Variants in IRAK2 observed in about 807,000 individuals in gnomAD.
IRAK2 encodes interleukin-1 receptor-associated kinase-like 2.
Under a neutral mutation model 72.0 loss-of-function variants are expected in IRAK2, and 57 were observed. The observed-to-expected ratio is 0.79, with a 90% confidence interval of 0.64 to 0.99. The LOEUF (loss-of-function observed/expected upper bound fraction) is 0.99, where lower values mean the gene tolerates loss of function less well. IRAK2 is among the 50% of genes least tolerant of loss of function. The probability of loss-of-function intolerance (pLI) is 0.00; values close to 1 mark genes in which losing one functional copy is unlikely to be tolerated. For missense variants in IRAK2, 790 were observed against 794.4 expected (o/e 0.99, Z 0.07); for synonymous variants, 293 against 312.7 (o/e 0.94, Z 0.67).
At chr3:10,192,861 A>C (rs1279418536) in intron 2 of IRAK2, among the ~76,000 whole-genome samples, 1 of 152,152 alleles carries the variant, frequency 6.6e-6, no homozygotes, top group Non-Finnish European at 1.5e-5. Flanking sequence ...AGAAGTTGTA[A>C]TGAGCAGAGA....
chr3:10,240,147 CAA>C (rs34730585), intron 12 of IRAK2, among the ~76,000 whole-genome samples: 13 of 132,690 alleles, frequency 9.8e-5, no homozygotes, highest in Admixed American at 7.6e-5. Context: ...GACTCCGTCT[CAA>C]AAAAAAAAAA....
intron 10 of IRAK2, among the ~76,000 whole-genome samples, chr3:10,227,362 C>T (rs1015823854): frequency 2.0e-5 from 3 of 151,940 alleles, no homozygotes; most frequent in East Asian, 1.9e-4. Context: ...GCAGGAGAAT[C>T]GCTTGAACCC....
At position 10,200,415 on chromosome 3, in the gene IRAK2, C is replaced by A; in HGVS notation, c.324C>A (p.Asp108Glu). 6.2e-7 allele frequency: 1 copy of A among 1,607,168 alleles called. No individual in the cohort carries two copies. Among genetic ancestry groups the A allele is most frequent in the Non-Finnish European group, 8.5e-7 (1 of 1,174,694 alleles). ...EIRCPIPAFP[D>E]SVKPEKPLAA... ...GGTGTCCCATTCCAGCCTTCCCTGA[C>A]TCTGTGAAGCCAGAAAAGCCTTTGG... The change falls in exon 3 of 13, where the codon GAC becomes GAA. Residue 108 changes from aspartate (D) to glutamate (E), a missense_variant. By Grantham distance (45) the Asp-to-Glu change is conservative. Transcript: ENST00000256458.
intron 10 of IRAK2, among the ~76,000 whole-genome samples, chr3:10,231,683 A>C (rs1179207569): frequency 6.6e-6 from 1 of 152,008 alleles, no homozygotes; most frequent in African/African-American, 2.4e-5. Flanking sequence ...TTCATTTTTA[A>C]AAAAAAATTT....
At chr3:10,206,709 C>A (rs761971320) in intron 3 of IRAK2, among the ~76,000 whole-genome samples, 1 of 152,088 alleles carries the variant, frequency 6.6e-6, no homozygotes, top group Non-Finnish European at 1.5e-5. Flanking sequence ...GCATGTGCCA[C>A]CATGCCCGGC....
In IRAK2 at chr3:10,205,585, C is replaced by G. The variant is rs201102404; in HGVS notation, c.425-4004C>G. Among the ~76,000 whole-genome samples, 265 of 152,322 alleles carry G rather than the reference C, an allele frequency of 1.7e-3. 6 individuals carry two copies. The South Asian group carries it at 0.043, about 25-fold the overall frequency. On this transcript the variant is annotated intron_variant, in intron 3 of 12. Transcript: ENST00000256458. ...CACAGAAGGACCCTGTGTGCAGAGA[C>G]AGCCCTGCCCTGTGGCCAGGCCTGG...
At position 10,242,245 on chromosome 3, in the gene IRAK2, G is replaced by C; in HGVS notation, c.*17G>C. 1 of 1,442,512 alleles carries C rather than the reference G, an allele frequency of 6.9e-7. No individual in the cohort carries two copies. Among genetic ancestry groups the C allele is most frequent in the Non-Finnish European group, 9.7e-7 (1 of 1,032,778 alleles). The allele number at this position is 1,442,512 out of a possible 1,614,324, so 89.4% of individuals were successfully genotyped here. On this transcript the variant is annotated 3_prime_UTR_variant, in exon 13 of 13. Transcript: ENST00000256458. ...GGCCCCTGATGACCGGAACACAGCT[G>C]AGGACCCTTGTCCTCAGTTGGAAAG...
intron 3 of IRAK2, among the ~76,000 whole-genome samples, chr3:10,208,049 C>T (rs1697458729): frequency 1.3e-5 from 2 of 151,052 alleles, no homozygotes; most frequent in Admixed American, 1.3e-4. Context: ...CTGTGTGCCC[C>T]ATGTGAAGAT....
In IRAK2 at chr3:10,216,992, A is replaced by G. The variant is rs1181968473; in HGVS notation, c.847A>G (p.Ser283Gly). The change falls in exon 7 of 13, where the codon AGC (serine) becomes GGC (glycine). Residue 283 changes from serine to glycine, a missense_variant. Coordinates refer to ENST00000256458, the MANE Select transcript of IRAK2 (RefSeq NM_001570.4). ...CTTCTGTGCTGCAAGACAGTTTCACAGCTTCATCTACCCCTACATGGCAAA... is the reference window on the plus strand; with the variant it reads ...CTTCTGTGCTGCAAGACAGTTTCACGGCTTCATCTACCCCTACATGGCAAA... ...LGFCAARQFH[S>G]FIYPYMANGS... 1.2e-6 allele frequency: 2 copies of G among 1,614,020 alleles called. No homozygotes were observed. Among genetic ancestry groups the G allele is most frequent in the Non-Finnish European group, 1.7e-6 (2 of 1,180,020 alleles).
intron 6 of IRAK2, among the ~76,000 whole-genome samples, chr3:10,214,410 T>TC (rs2125156572): frequency 6.8e-6 from 1 of 148,046 alleles, no homozygotes; most frequent in African/African-American, 2.5e-5. Flanking sequence ...TTTTTTTTTT[T>TC]TGTAGAGATA....
intron 10 of IRAK2, among the ~76,000 whole-genome samples, chr3:10,229,553 A>C (rs147459432): frequency 6.6e-6 from 1 of 152,110 alleles, no homozygotes. Context: ...ACATAGCTCT[A>C]TCTTCTTTAG....
chr3:10,186,417 C>G (rs1206472460), intron 2 of IRAK2, among the ~76,000 whole-genome samples: 1 of 151,726 alleles, frequency 6.6e-6, no homozygotes, highest in Non-Finnish European at 1.5e-5. Context: ...CTAGACACAT[C>G]TTAATTCTCA....
At chr3:10,208,162 A>G (rs561023332) in intron 3 of IRAK2, among the ~76,000 whole-genome samples, 8 of 151,804 alleles carry the variant, frequency 5.3e-5, no homozygotes, top group African/African-American at 1.7e-4. Flanking sequence ...GCACAGAAGC[A>G]GGCCTTGGCC....
At chr3:10,197,214 C>T (rs1037641224) in intron 2 of IRAK2, among the ~76,000 whole-genome samples, 1 of 151,396 alleles carries the variant, frequency 6.6e-6, no homozygotes, top group Non-Finnish European at 1.5e-5. Context: ...CCCATCTCTA[C>T]TAAAAATACA....
rs1268810037 is a variant in IRAK2 at position 10,201,688 on chromosome 3, CCCTAGGGGAG to C, written c.424+1175_424+1184del. Among the ~76,000 whole-genome samples the C allele has an allele frequency of 3.3e-5, 5 of 152,220 alleles. No homozygotes were observed. In the East Asian group the frequency reaches 9.6e-4, roughly 29 times the overall value. On this transcript the variant is annotated intron_variant, in intron 3 of 12. Transcript: ENST00000256458. ...GAATGGCTCAGCCAGCAGATGACCT[CCCTAGGGGAG>C]CTGCTGCTCAGCCCAATCTCCATTC...
At chr3:10,202,836 T>A (rs1697382749) in intron 3 of IRAK2, among the ~76,000 whole-genome samples, 1 of 151,402 alleles carries the variant, frequency 6.6e-6, no homozygotes, top group Admixed American at 6.6e-5. Context: ...GGACTACAGG[T>A]GTACATCACT....
At chr3:10,203,704 T>G (rs1283050501) in intron 3 of IRAK2, among the ~76,000 whole-genome samples, 5 of 152,216 alleles carry the variant, frequency 3.3e-5, no homozygotes, top group Non-Finnish European at 7.3e-5. Flanking sequence ...CGATCTCGGC[T>G]CACTGCAGCC....
intron 9 of IRAK2, among the ~76,000 whole-genome samples, chr3:10,224,371 G>A (rs1371668782): frequency 1.3e-5 from 2 of 151,610 alleles, no homozygotes; most frequent in Non-Finnish European, 2.9e-5. Flanking sequence ...GAACCAGGGG[G>A]ATAGAACCCC....
chr3:10,216,347 G>A (rs1171216789), intron 6 of IRAK2, among the ~76,000 whole-genome samples: 1 of 152,150 alleles, frequency 6.6e-6, no homozygotes, highest in African/African-American at 2.4e-5. Flanking sequence ...TGACATTCAG[G>A]TCTGGAGCTT....
Sources: gnomAD v4.1 joint callset for allele counts (sites outside exome capture counted in the v4.1 genomes callset) on GRCh38, gnomAD v4.1.1 for gene constraint, MANE v1.5 for transcripts, NCBI Gene and HGNC (gene_info 2026-07-23, HGNC 2026-07-21) for gene names.